PPFIA1: variants seen among roughly 807,000 people sequenced by gnomAD.
PPFIA1 encodes the protein liprin-alpha-1.
PPFIA1 carries 25 observed loss-of-function variants against 149.9 expected under a neutral mutation model. The ratio of observed to expected loss-of-function variants is 0.17; its 90% confidence interval spans 0.12 to 0.23. The LOEUF (loss-of-function observed/expected upper bound fraction) is 0.23, where lower values mean the gene tolerates loss of function less well. Among genes scored for constraint, PPFIA1 ranks in the 10% least tolerant of loss-of-function variants. The probability of loss-of-function intolerance (pLI) is 1.00; values close to 1 mark genes in which losing one functional copy is unlikely to be tolerated. For synonymous variants in PPFIA1, 549 were observed against 552.8 expected (o/e 0.99, Z 0.10); for missense variants, 1,362 against 1,506.5 (o/e 0.90, Z 1.59).
intron 25 of PPFIA1, 40 bp downstream of exon 25, chr11:70,376,640 T>C (rs371838157): frequency 6.8e-7 from 1 of 1,462,320 alleles, no homozygotes; most frequent in African/African-American, 1.4e-5. Flanking sequence ...GTCTGAAATG[T>C]GTGTAAATGT....
At chr11:70,317,170 A>G (rs1198752126) in intron 2 of PPFIA1, among the ~76,000 whole-genome samples, 3 of 152,032 alleles carry the variant, frequency 2.0e-5, no homozygotes, top group Non-Finnish European at 4.4e-5. Context: ...TTTTTTTCCT[A>G]AATAGGAAAA....
intron 17 of PPFIA1, 32 bp from the exon 18 acceptor site, chr11:70,355,607 A>G (rs2056319762): frequency 1.3e-6 from 2 of 1,571,232 alleles, no homozygotes; most frequent in Non-Finnish European, 1.7e-6. Flanking sequence ...CTACAAGGGC[A>G]CATAGTAAAG....
rs749396415 is a variant in PPFIA1, at chr11:70,348,278, G to C, written c.2021G>C (p.Arg674Pro). Residue 674 changes from arginine to proline, a missense_variant, in exon 16 of 28, where the codon CGT becomes CCT. Physicochemically the swap from Arg to Pro is moderately radical, Grantham distance 103. Around this residue, in one of 7 missense-constraint regions of PPFIA1, gnomAD observed 733 missense variants for 744.1 expected, o/e 0.99. Coordinates refer to ENST00000253925, the MANE Select transcript of PPFIA1 (RefSeq NM_003626.5). ...VGSGSLDNLGRFRSMSSIPPY... is the reference protein window; with the variant it reads ...VGSGSLDNLGPFRSMSSIPPY... ...AGTGGAAGTCTAGACAATCTTGGTCGTTTTAGATCAATGAGCTCCATTCCC... is the reference window on the plus strand; with the variant it reads ...AGTGGAAGTCTAGACAATCTTGGTCCTTTTAGATCAATGAGCTCCATTCCC... The C allele has an allele frequency of 6.2e-7, 1 of 1,614,234 alleles. No homozygotes were observed. Among genetic ancestry groups the C allele is most frequent in the East Asian group, 2.2e-5 (1 of 44,882 alleles).
chr11:70,285,777 ATGCAGTATACATAATG>A (rs2136142478), intron 2 of PPFIA1, among the ~76,000 whole-genome samples: 1 of 152,172 alleles, frequency 6.6e-6, no homozygotes, highest in Admixed American at 6.5e-5. Flanking sequence ...TACTGTTTTC[ATGCAGTATACATAATG>A]TTTATGTATA....
intron 2 of PPFIA1, among the ~76,000 whole-genome samples, chr11:70,310,865 G>A (rs751288996): frequency 6.6e-6 from 1 of 152,108 alleles, no homozygotes; most frequent in African/African-American, 2.4e-5. Context: ...GCTGTTTGCC[G>A]TCCATCCACA....
intron 2 of PPFIA1, among the ~76,000 whole-genome samples, chr11:70,309,223 G>A (rs2136479877): frequency 6.6e-6 from 1 of 151,910 alleles, no homozygotes; most frequent in East Asian, 1.9e-4. Context: ...AGGCTGGAGT[G>A]CAGTGGCGCG....
chr11:70,358,975 T>C (rs1027988438), intron 19 of PPFIA1, among the ~76,000 whole-genome samples: 2 of 152,256 alleles, frequency 1.3e-5, no homozygotes, highest in African/African-American at 4.8e-5. Flanking sequence ...TTCTCCTTTT[T>C]GTCTTCGTAG....
rs144891420 is a variant in PPFIA1 at position 70,351,047 on chromosome 11, T to C, written c.2163+2627T>C. 1.4e-4 allele frequency: 165 copies of C among 1,170,912 alleles called. 1 individual carries two copies. The African/African-American group carries it at 2.4e-3, about 17-fold the overall frequency. 72.5% of individuals were successfully genotyped at this position (1,170,912 alleles called of 1,614,324 possible). ...AGGTAAATTGTTTAGTAATTTAACA[T>C]ATCTTTGTATCTCCATAATGTATTG... On this transcript the variant is annotated intron_variant, in intron 16 of 27. Transcript: ENST00000253925.
At position 70,383,689 on chromosome 11, in the gene PPFIA1, G is replaced by A. The variant is rs2057787288; in HGVS notation, c.*699G>A. ...ACACTATGAGAAGCCCCTAGCACTG[G>A]TTAACGCTTTCCTAGCCTAGTCTCT... On this transcript the variant is annotated 3_prime_UTR_variant, in exon 28 of 28. Coordinates refer to ENST00000253925, the MANE Select transcript of PPFIA1 (RefSeq NM_003626.5). The A allele has an allele frequency of 1.3e-5, 2 of 152,626 alleles. No individual in the cohort carries two copies. The highest frequency in any genetic ancestry group is 1.3e-4 in the Admixed American group (2 of 15,282). 9.5% of individuals were successfully genotyped at this position (152,626 alleles called of 1,614,324 possible).
rs918663686 is a variant in PPFIA1 at position 70,337,261 on chromosome 11, C to T, written c.1429-104C>T. On this transcript the variant is annotated intron_variant, in intron 11 of 27. Transcript: ENST00000253925. Reference sequence around the variant, plus strand: ...TGCTTGCTGGTGTGCTCTTTTACTCCGTTCCCTTTGTGTGGTCCTTTTTTT... The same window carrying T: ...TGCTTGCTGGTGTGCTCTTTTACTCTGTTCCCTTTGTGTGGTCCTTTTTTT... 28 of 764,820 alleles carry T rather than the reference C, an allele frequency of 3.7e-5. No homozygotes were observed. In the Admixed American group the frequency reaches 7.1e-4, roughly 19 times the overall value. 47.4% of individuals were successfully genotyped at this position (764,820 alleles called of 1,614,324 possible).
At chr11:70,284,944 C>T (rs117251985) in intron 2 of PPFIA1, among the ~76,000 whole-genome samples, 3,999 of 152,104 alleles carry the variant, frequency 0.026, 88 homozygotes, top group Non-Finnish European at 0.043. Flanking sequence ...TTGCGTGCAT[C>T]GTGGCCTCAG....
At chr11:70,347,957 C>T (rs753461241) in intron 15 of PPFIA1, among the ~76,000 whole-genome samples, 4 of 152,086 alleles carry the variant, frequency 2.6e-5, no homozygotes, top group African/African-American at 4.8e-5. Flanking sequence ...GAGCCGAGAT[C>T]GCGCCACTGC....
intron 19 of PPFIA1, among the ~76,000 whole-genome samples, chr11:70,360,010 A>G (rs2056555447): frequency 6.6e-6 from 1 of 152,202 alleles, no homozygotes; most frequent in Non-Finnish European, 1.5e-5. Flanking sequence ...GCCCAGGGGC[A>G]TGGTCCCATG....
chr11:70,303,962 C>T (rs1406382341), intron 2 of PPFIA1, among the ~76,000 whole-genome samples: 1 of 151,962 alleles, frequency 6.6e-6, no homozygotes, highest in Non-Finnish European at 1.5e-5. Flanking sequence ...GCTGAGATCG[C>T]GCCACTGCAC....
At chr11:70,333,875 GCCC>G (rs888685468) in intron 10 of PPFIA1, among the ~76,000 whole-genome samples, 4 of 152,124 alleles carry the variant, frequency 2.6e-5, no homozygotes, top group African/African-American at 9.7e-5. Flanking sequence ...TACCGGCGTG[GCCC>G]CCCTACCCCC....
intron 21 of PPFIA1, 110 bp from the exon 22 acceptor site, chr11:70,372,105 A>T: frequency 1.1e-6 from 1 of 913,830 alleles, no homozygotes; most frequent in Non-Finnish European, 1.6e-6. Context: ...AATTATCATT[A>T]GTTTAGCCTT....
intron 2 of PPFIA1, 60 bp from the exon 3 acceptor site, chr11:70,324,342 T>C (rs775480728): frequency 7.6e-6 from 10 of 1,307,586 alleles, no homozygotes; most frequent in Non-Finnish European, 1.1e-5. Context: ...GGAGCCTTGA[T>C]GAAAGGCTTT....
In PPFIA1 at chr11:70,343,882, A is replaced by G. The variant is rs765625381; in HGVS notation, c.1921A>G (p.Lys641Glu). The G allele has an allele frequency of 6.2e-7, 1 of 1,613,198 alleles. No homozygotes were observed. Among genetic ancestry groups the G allele is most frequent in the Admixed American group, 1.7e-5 (1 of 59,944 alleles). ...MLQEQLDAIN[K>E]EIRLIQEEKE... Reference sequence around the variant, plus strand: ...TCAGGAGCAGCTGGACGCCATCAACAAAGAGATCAGGTGTGTGCAACCGTG... The same window carrying G: ...TCAGGAGCAGCTGGACGCCATCAACGAAGAGATCAGGTGTGTGCAACCGTG... The change falls in exon 15 of 28, where the codon AAA (lysine) becomes GAA (glutamate). Residue 641 changes from lysine (K) to glutamate (E), a missense_variant. By Grantham distance (56) the Lys-to-Glu change is moderately conservative. This residue lies in a region of PPFIA1 where 733 missense variants were observed against 744.1 expected (regional missense o/e 0.99). Coordinates refer to ENST00000253925, the MANE Select transcript of PPFIA1 (RefSeq NM_003626.5).
At chr11:70,334,195 C>T (rs2054835001) in intron 10 of PPFIA1, among the ~76,000 whole-genome samples, 2 of 152,070 alleles carry the variant, frequency 1.3e-5, no homozygotes, top group African/African-American at 4.8e-5. Flanking sequence ...CAAGAGCAGT[C>T]CCAGGGCCAG....
Sources: gnomAD v4.1 joint callset for allele counts (sites outside exome capture counted in the v4.1 genomes callset) on GRCh38, gnomAD v4.1.1 for gene constraint, gnomAD v4.1.1 regional missense constraint, MANE v1.5 for transcripts, NCBI Gene and HGNC (gene_info 2026-07-23, HGNC 2026-07-21) for gene names.